CNTN4: variants seen among roughly 807,000 people sequenced by gnomAD.
CNTN4 encodes the protein contactin 4, also known as contactin-4.
CNTN4 carries 77 observed loss-of-function variants against 122.5 expected under a neutral mutation model. The ratio of observed to expected loss-of-function variants is 0.63; its 90% CI spans 0.52 to 0.76. CNTN4 has a LOEUF of 0.76. Ranked by LOEUF, CNTN4 falls within the 30% of genes least tolerant of loss-of-function variation. CNTN4 has a pLI of 0.00. For synonymous variants in CNTN4, 512 were observed against 447.0 expected (o/e 1.15, Z -1.83); for missense variants, 1,256 against 1,259.1 (o/e 1.00, Z 0.04).
intron 3 of CNTN4, among the ~76,000 whole-genome samples, chr3:2,361,740 A>G (rs760711504): frequency 2.6e-5 from 4 of 152,204 alleles, no homozygotes; most frequent in Admixed American, 6.5e-5. Context: ...CTCTTGTACT[A>G]TTGTGTGGCC....
intron 2 of CNTN4, among the ~76,000 whole-genome samples, chr3:2,169,556 C>CAA (rs1559306594): frequency 3.2e-4 from 47 of 145,710 alleles, no homozygotes; most frequent in African/African-American, 9.6e-4. Context: ...ACAGGCGCCG[C>CAA]CACCACGCCC....
chr3:2,609,442 C>A (rs2081390676), intron 4 of CNTN4, among the ~76,000 whole-genome samples: 1 of 152,126 alleles, frequency 6.6e-6, no homozygotes, highest in Admixed American at 6.6e-5. Context: ...GAAATAAATT[C>A]ATGTTGTTTA....
chr3:2,954,663 G>C (rs912124931), intron 13 of CNTN4, among the ~76,000 whole-genome samples: 3 of 151,604 alleles, frequency 2.0e-5, no homozygotes, highest in Admixed American at 2.0e-4. Flanking sequence ...AGCCTGGAAT[G>C]GATAGCAAAG....
chr3:2,939,798 A>G (rs2094597342), intron 13 of CNTN4, among the ~76,000 whole-genome samples: 1 of 152,256 alleles, frequency 6.6e-6, no homozygotes, highest in Non-Finnish European at 1.5e-5. Flanking sequence ...GTTGAATTTG[A>G]AAAGCTTATC....
intron 2 of CNTN4, among the ~76,000 whole-genome samples, chr3:2,239,357 G>A (rs1198223411): frequency 6.6e-6 from 1 of 152,130 alleles, no homozygotes; most frequent in Non-Finnish European, 1.5e-5. Context: ...TCCTAACTCT[G>A]CTAATGCTTG....
At chr3:2,534,935 G>A (rs1278401138) in intron 3 of CNTN4, among the ~76,000 whole-genome samples, 1 of 150,562 alleles carries the variant, frequency 6.6e-6, no homozygotes, top group Non-Finnish European at 1.5e-5. Context: ...GAAGTGTGTT[G>A]AGGAGATGGG....
At chr3:2,249,315 A>AG (rs2040284749) in intron 2 of CNTN4, among the ~76,000 whole-genome samples, 18 of 152,062 alleles carry the variant, frequency 1.2e-4, no homozygotes, top group Admixed American at 9.8e-4. Flanking sequence ...ATGTAGTATC[A>AG]CATCCAAAGG....
At chr3:2,402,361 A>C (rs1199254266) in intron 3 of CNTN4, among the ~76,000 whole-genome samples, 2 of 152,142 alleles carry the variant, frequency 1.3e-5, no homozygotes, top group African/African-American at 4.8e-5. Context: ...TAGAATTGTC[A>C]GGTTCAAGTC....
chr3:2,204,085 GAT>G (rs1036635564), intron 2 of CNTN4, among the ~76,000 whole-genome samples: 4 of 152,028 alleles, frequency 2.6e-5, no homozygotes, highest in African/African-American at 9.7e-5. Context: ...TTAATAGTAA[GAT>G]ATGTTTTATA....
At chr3:2,943,594 A>G (rs1241386484) in intron 13 of CNTN4, among the ~76,000 whole-genome samples, 1 of 144,612 alleles carries the variant, frequency 6.9e-6, no homozygotes, top group Non-Finnish European at 1.5e-5. Context: ...TAGGTAATAT[A>G]TAAATATATA....
At chr3:2,812,076 G>A (rs556275590) in intron 6 of CNTN4, among the ~76,000 whole-genome samples, 1 of 152,242 alleles carries the variant, frequency 6.6e-6, no homozygotes, top group Admixed American at 6.5e-5. Flanking sequence ...GCTAAGATGA[G>A]AACACGTGGA....
intron 13 of CNTN4, among the ~76,000 whole-genome samples, chr3:2,966,469 A>T (rs1264365591): frequency 6.6e-6 from 1 of 152,178 alleles, no homozygotes; most frequent in South Asian, 2.1e-4. Context: ...TAGAATAACA[A>T]TTACCAGAAG....
intron 2 of CNTN4, among the ~76,000 whole-genome samples, chr3:2,251,419 C>T (rs142643332): frequency 0.012 from 1,864 of 152,036 alleles, 21 homozygotes; most frequent in Middle Eastern, 0.031. Context: ...TGAGTTTTCT[C>T]ACCTGCATTT....
In CNTN4 at chr3:2,800,972, C is replaced by T. The variant is rs560116557; in HGVS notation, c.359-18514C>T. ...ATTTTTAAAAATTATAGCCTTCCTTCCTACTCCCAGCTCTCTCAATCCCTC... is the reference window on the plus strand; with the variant it reads ...ATTTTTAAAAATTATAGCCTTCCTTTCTACTCCCAGCTCTCTCAATCCCTC... On this transcript the variant is annotated intron_variant, in intron 6 of 24. Coordinates refer to ENST00000418658, the MANE Select transcript of CNTN4 (RefSeq NM_175607.3). Among the ~76,000 whole-genome samples the T allele has an allele frequency of 2.0e-5, 3 of 152,364 alleles. No homozygotes were observed. In the South Asian group the frequency reaches 6.2e-4, roughly 32 times the overall value.
chr3:2,383,812 C>G (rs925151502), intron 3 of CNTN4, among the ~76,000 whole-genome samples: 1 of 151,224 alleles, frequency 6.6e-6, no homozygotes, highest in Non-Finnish European at 1.5e-5. Flanking sequence ...CTCCCTCTGT[C>G]TCCCTCTCCT....
At chr3:2,287,472 C>T (rs1385445161) in intron 2 of CNTN4, among the ~76,000 whole-genome samples, 5 of 151,694 alleles carry the variant, frequency 3.3e-5, no homozygotes. Context: ...CATGGTGGTG[C>T]ACACCTGTAG....
intron 4 of CNTN4, among the ~76,000 whole-genome samples, chr3:2,641,211 G>A (rs892480596): frequency 6.6e-6 from 1 of 151,828 alleles, no homozygotes; most frequent in African/African-American, 2.4e-5. Context: ...CTTGGCCTTT[G>A]CAAATTGCTC....
intron 2 of CNTN4, among the ~76,000 whole-genome samples, chr3:2,211,454 T>A (rs772280410): frequency 1.3e-5 from 2 of 152,280 alleles, no homozygotes; most frequent in Non-Finnish European, 1.5e-5. Flanking sequence ...ATGCGTTGTG[T>A]AGTTTTATGT....
chr3:2,395,350 C>T (rs962452246), intron 3 of CNTN4, among the ~76,000 whole-genome samples: 2 of 151,950 alleles, frequency 1.3e-5, no homozygotes, highest in African/African-American at 4.8e-5. Flanking sequence ...CTTTTGGGGG[C>T]AGGATTTTAC....
Sources: allele counts gnomAD v4.1 joint callset (sites outside exome capture counted in the v4.1 genomes callset), GRCh38; gene constraint gnomAD v4.1.1; transcripts MANE v1.5; gene names NCBI Gene and HGNC (gene_info 2026-07-23, HGNC 2026-07-21).